APAF1: variants seen among roughly 807,000 people sequenced by gnomAD.
APAF1 encodes the protein apoptotic peptidase activating factor 1.
APAF1 carries 91 observed loss-of-function variants against 152.4 expected under a neutral mutation model. That is an observed-to-expected ratio of 0.60 (90% CI 0.50 to 0.71). The LOEUF is 0.71. APAF1 is among the 30% of genes least tolerant of loss of function. APAF1 has a pLI of 0.00. For missense variants in APAF1, 1,283 were observed against 1,472.0 expected (o/e 0.87, Z 2.10); for synonymous variants, 484 against 494.1 (o/e 0.98, Z 0.27).
At chr12:98,654,084 C>CT (rs2097653341) in intron 4 of APAF1, among the ~76,000 whole-genome samples, 1 of 152,106 alleles carries the variant, frequency 6.6e-6, no homozygotes, top group Non-Finnish European at 1.5e-5. Context: ...TCATGCAAAG[C>CT]TAAATTGCTC....
At chr12:98,650,619 A>G (rs1221790620) in intron 4 of APAF1, among the ~76,000 whole-genome samples, 1 of 152,096 alleles carries the variant, frequency 6.6e-6, no homozygotes, top group Admixed American at 6.5e-5. Context: ...GCTAGGGTAT[A>G]TCTATGTGTA....
chr12:98,725,640 C>A, intron 25 of APAF1, 100 bp downstream of exon 25: 1 of 1,543,962 alleles, frequency 6.5e-7, no homozygotes, highest in Non-Finnish European at 8.9e-7. Context: ...AAGCATAGTC[C>A]TGAAGTTGTG....
intron 22 of APAF1, among the ~76,000 whole-genome samples, chr12:98,719,870 TG>T (rs1390575528): frequency 1.3e-5 from 2 of 152,136 alleles, no homozygotes; most frequent in African/African-American, 4.8e-5. Context: ...ATATTAATTG[TG>T]GTGGCAATAT....
intron 18 of APAF1, 58 bp downstream of exon 18, chr12:98,703,557 A>T: frequency 6.2e-7 from 1 of 1,607,366 alleles, no homozygotes; most frequent in Admixed American, 1.7e-5. Flanking sequence ...AGGATGACAG[A>T]GAATGGGCAG....
At chr12:98,723,091 G>C in intron 22 of APAF1, 102 bp from the exon 23 acceptor site, 1 of 1,216,014 alleles carries the variant, frequency 8.2e-7, no homozygotes, top group South Asian at 1.2e-5. Flanking sequence ...GAAATGCCAT[G>C]TGAGTAAAAG....
intron 7 of APAF1, among the ~76,000 whole-genome samples, chr12:98,663,784 G>A (rs2097668576): frequency 2.0e-5 from 3 of 149,240 alleles, no homozygotes. Context: ...TCAGCCTCTC[G>A]AGTATCTGGG....
In APAF1 at chr12:98,723,619, GTTTTT is replaced by G; in HGVS notation, c.3205-8_3205-4del. 1.5e-6 allele frequency: 2 copies of G among 1,366,680 alleles called. No individual in the cohort carries two copies. The highest frequency in any genetic ancestry group is 2.0e-6 in the Non-Finnish European group (2 of 999,834). 84.7% of individuals were successfully genotyped at this position (1,366,680 alleles called of 1,614,324 possible). ...TTCTTAAAAGTGTCAACCTCCAAGTGTTTTTTTTTTTTTTTTAAGGTATGGAATAT... is the reference window on the plus strand; with the variant it reads ...TTCTTAAAAGTGTCAACCTCCAAGTGTTTTTTTTTTTAAGGTATGGAATAT... On this transcript the variant is annotated splice_polypyrimidine_tract_variant and intron_variant, in intron 23 of 26. Coordinates refer to ENST00000551964, the MANE Select transcript of APAF1 (RefSeq NM_181861.2).
intron 13 of APAF1, among the ~76,000 whole-genome samples, chr12:98,678,714 G>A (rs2097689155): frequency 6.6e-6 from 1 of 152,224 alleles, no homozygotes; most frequent in African/African-American, 2.4e-5. Context: ...CCCGCTGCCT[G>A]ACTTCTCCCT....
intron 16 of APAF1, among the ~76,000 whole-genome samples, chr12:98,691,206 GA>G (rs368564782): frequency 0.02 from 2,992 of 150,508 alleles, 53 homozygotes; most frequent in Middle Eastern, 0.035. Flanking sequence ...ACTCCGTCTT[GA>G]AAAAAAAAGA....
intron 9 of APAF1, among the ~76,000 whole-genome samples, chr12:98,666,666 C>G (rs1196924451): frequency 6.6e-6 from 1 of 152,064 alleles, no homozygotes; most frequent in East Asian, 1.9e-4. Flanking sequence ...GAAAATTTAT[C>G]AGTCTTTATC....
At chr12:98,647,428 A>C (rs984065233) in intron 1 of APAF1, among the ~76,000 whole-genome samples, 3 of 151,888 alleles carry the variant, frequency 2.0e-5, no homozygotes, top group African/African-American at 7.3e-5. Flanking sequence ...GCTGGAGTAC[A>C]GTAGAGTGGT....
At chr12:98,650,568 G>A (rs1419268710) in intron 4 of APAF1, among the ~76,000 whole-genome samples, 1 of 151,262 alleles carries the variant, frequency 6.6e-6, no homozygotes, top group Non-Finnish European at 1.5e-5. Context: ...CAGAATGATT[G>A]GAATAAGTAG....
At chr12:98,727,369 C>T in intron 26 of APAF1, 53 bp downstream of exon 26, 1 of 1,597,858 alleles carries the variant, frequency 6.3e-7, no homozygotes, top group Non-Finnish European at 8.6e-7. Flanking sequence ...ATCATACTTT[C>T]CAAGCTATTT....
At chr12:98,732,363 A>T in intron 26 of APAF1, 57 bp from the exon 27 acceptor site, 1 of 1,507,250 alleles carries the variant, frequency 6.6e-7, no homozygotes, top group Non-Finnish European at 9.2e-7. Flanking sequence ...CTGGCACTAT[A>T]AATTGTCACA....
Position 98,660,717 on chromosome 12 carries a change from A to G in APAF1, c.710+1374A>G, listed in dbSNP as rs113187761. ...TTCTGGGCCAAGTGCTGCAAGTACA[A>G]AGATAAATAAAGCATTCCTTGGGAA... On this transcript the variant is annotated intron_variant, in intron 5 of 26. Coordinates refer to ENST00000551964, the MANE Select transcript of APAF1 (RefSeq NM_181861.2). Among the ~76,000 whole-genome samples the G allele has an allele frequency of 7.1e-4, 108 of 152,336 alleles. 1 individual carries two copies. Among genetic ancestry groups the G allele is most frequent in the African/African-American group, 2.4e-3 (101 of 41,560 alleles).
At chr12:98,654,974 C>T (rs374857536) in intron 4 of APAF1, among the ~76,000 whole-genome samples, 2,568 of 116,242 alleles carry the variant, frequency 0.022, 147 homozygotes, top group Admixed American at 0.14. Context: ...GAGGACCCTG[C>T]GGCCTTCCGC....
chr12:98,684,884 G>A (rs938983774), intron 15 of APAF1, among the ~76,000 whole-genome samples: 12 of 152,132 alleles, frequency 7.9e-5, no homozygotes, highest in African/African-American at 2.4e-4. Flanking sequence ...TTAAGGACAA[G>A]GTTTACTTTA....
intron 13 of APAF1, among the ~76,000 whole-genome samples, chr12:98,679,648 G>A (rs1161197800): frequency 6.6e-6 from 1 of 152,240 alleles, no homozygotes; most frequent in Non-Finnish European, 1.5e-5. Flanking sequence ...CCAAGCTAGG[G>A]CTGTGACTCC....
At chr12:98,655,973 C>T (rs556404854) in intron 4 of APAF1, among the ~76,000 whole-genome samples, 3 of 152,108 alleles carry the variant, frequency 2.0e-5, no homozygotes, top group South Asian at 4.2e-4. Flanking sequence ...TTAGTAGAAA[C>T]GGGGTTTCAC....
Sources: gnomAD v4.1 joint callset for allele counts (sites outside exome capture counted in the v4.1 genomes callset) on GRCh38, gnomAD v4.1.1 for gene constraint, MANE v1.5 for transcripts, NCBI Gene and HGNC (gene_info 2026-07-23, HGNC 2026-07-21) for gene names.